Variants in WDR26 observed in about 807,000 individuals in gnomAD.
WDR26 encodes the protein WD repeat domain 26, also known as WD repeat-containing protein 26.
WDR26 carries 5 observed loss-of-function variants against 84.1 expected under a neutral mutation model. The ratio of observed to expected loss-of-function variants is 0.06; its 90% CI spans 0.03 to 0.13. WDR26 has a LOEUF of 0.13. WDR26 is among the 10% of genes least tolerant of loss of function. The probability of loss-of-function intolerance (pLI) is 1.00; values close to 1 mark genes in which losing one functional copy is unlikely to be tolerated. For synonymous variants in WDR26, 415 were observed against 389.6 expected (o/e 1.07, Z -0.77); for missense variants, 642 against 974.9 (o/e 0.66, Z 4.55).
rs202137376 is a variant in WDR26, at chr1:224,433,912, G to A, written c.494C>T (p.Ser165Phe). The A allele has an allele frequency of 1.0e-5, 16 of 1,536,684 alleles. No individual in the cohort carries two copies. Among genetic ancestry groups the A allele is most frequent in the African/African-American group, 5.5e-5 (4 of 73,172 alleles). ...GCTGTTGCTATTGTTGCTGGCGGCG[G>A]AGGGGGCGGAAGGCAGGAGCCCATT... The change falls in exon 1 of 14, where the codon TCC becomes TTC. Residue 165 changes from serine to phenylalanine, a missense_variant. Ser to Phe is a radical substitution (Grantham distance 155, BLOSUM62 -2). This residue lies in a region of WDR26 where 291 missense variants were observed against 302.1 expected (regional missense o/e 0.96). Transcript: ENST00000414423.
chr1:224,406,430 A>C (rs1260238648), intron 7 of WDR26, among the ~76,000 whole-genome samples: 3 of 152,216 alleles, frequency 2.0e-5, no homozygotes, highest in Non-Finnish European at 4.4e-5. Flanking sequence ...ATGACCCACC[A>C]GCAGTTGAAA....
Position 224,404,454 on chromosome 1 carries a change from A to G in WDR26, c.1575T>C (p.Ser525=). Reference sequence around the variant, plus strand: ...CTTGTACATTCCAAAGCCAAAGCTCAGAGCAGTCATCTGGGCCACAAGCAA... The same window carrying G: ...CTTGTACATTCCAAAGCCAAAGCTCGGAGCAGTCATCTGGGCCACAAGCAA... The change falls in exon 8 of 14, where the codon TCT becomes TCC. Residue 525 remains serine, a synonymous_variant. Transcript: ENST00000414423. 6.2e-7 allele frequency: 1 copy of G among 1,614,142 alleles called. No individual in the cohort carries two copies. The highest frequency in any genetic ancestry group is 1.1e-5 in the South Asian group (1 of 91,086).
intron 11 of WDR26, 38 bp from the exon 12 acceptor site, chr1:224,398,264 C>T (rs1468072407): frequency 6.3e-7 from 1 of 1,580,770 alleles, no homozygotes; most frequent in Non-Finnish European, 8.6e-7. Context: ...TAATCTGCCT[C>T]AACTCAAACA....
At chr1:224,415,827 A>G (rs1673887699) in intron 6 of WDR26, among the ~76,000 whole-genome samples, 1 of 152,228 alleles carries the variant, frequency 6.6e-6, no homozygotes, top group Admixed American at 6.5e-5. Context: ...GAGTTAAACT[A>G]AGAATCTAGA....
Position 224,389,761 on chromosome 1 carries a change from T to G in WDR26, c.*74A>C. The G allele has an allele frequency of 7.1e-7, 1 of 1,415,814 alleles. No homozygotes were observed. The highest frequency in any genetic ancestry group is 1.2e-5 in the South Asian group (1 of 86,592). 87.7% of individuals were successfully genotyped at this position (1,415,814 alleles called of 1,614,324 possible). A position where few individuals can be genotyped will look rare whatever the true frequency, so the allele number is the denominator to read the frequency against. On this transcript the variant is annotated 3_prime_UTR_variant, in exon 14 of 14. Coordinates refer to ENST00000414423, the MANE Select transcript of WDR26 (RefSeq NM_001379403.1). The stretch of plus-strand genomic sequence containing the variant: ...CTGTCCAGCTATCAATCATGTTTGT[T>G]TGCACCAAATCCCAAGCCATTAAAA...
intron 8 of WDR26, among the ~76,000 whole-genome samples, chr1:224,401,279 G>C (rs1021088337): frequency 6.6e-6 from 1 of 152,082 alleles, no homozygotes; most frequent in Non-Finnish European, 1.5e-5. Flanking sequence ...ACAATGTCTG[G>C]CACAGGTAAC....
intron 12 of WDR26, 129 bp from the exon 13 acceptor site, chr1:224,394,142 G>GT: frequency 1.6e-6 from 1 of 624,194 alleles, no homozygotes; most frequent in East Asian, 3.2e-5. Context: ...ACCATGAATA[G>GT]TTTAACATGT....
chr1:224,433,940 C>A lies in WDR26; in HGVS notation c.466G>T (p.Ala156Ser), dbSNP rs1329236050. Residue 156 changes from alanine to serine, a missense_variant, in exon 1 of 14, where the codon GCC becomes TCC. By Grantham distance (99) the Ala-to-Ser change is moderately conservative. Around this residue, in one of 2 missense-constraint regions of WDR26, gnomAD observed 291 missense variants for 302.1 expected, o/e 0.96. Transcript: ENST00000414423. ...GGGGCGGAAGGCAGGAGCCCATTGG[C>A]GTGGGCCAGGTCCCCCGCGGACGAC... is the stretch of plus-strand genomic sequence containing the variant. 1.3e-6 allele frequency: 2 copies of A among 1,535,148 alleles called. No homozygotes were observed. Among genetic ancestry groups the A allele is most frequent in the South Asian group, 2.4e-5 (2 of 83,982 alleles).
chr1:224,428,649 C>T (rs1674297107), intron 3 of WDR26, among the ~76,000 whole-genome samples: 1 of 151,904 alleles, frequency 6.6e-6, no homozygotes, highest in Non-Finnish European at 1.5e-5. Context: ...ATAATCCCAG[C>T]ACTCTGCGAG....
At chr1:224,395,563 A>G (rs1673236984) in intron 12 of WDR26, among the ~76,000 whole-genome samples, 1 of 151,922 alleles carries the variant, frequency 6.6e-6, no homozygotes, top group South Asian at 2.1e-4. Flanking sequence ...CTGCTGCTCA[A>G]TAATTTTTGA....
At chr1:224,409,860 C>T (rs1436388856) in intron 7 of WDR26, among the ~76,000 whole-genome samples, 1 of 149,754 alleles carries the variant, frequency 6.7e-6, no homozygotes, top group African/African-American at 2.5e-5. Context: ...GAGATACTGT[C>T]TCAGAGAAAA....
chr1:224,411,862 G>C (rs1673750002), intron 6 of WDR26, among the ~76,000 whole-genome samples: 1 of 152,038 alleles, frequency 6.6e-6, no homozygotes, highest in Admixed American at 6.6e-5. Context: ...TGTGACACCA[G>C]GCCCAGCTAC....
Position 224,401,075 on chromosome 1 carries a change from A to T in WDR26, c.1600-6T>A, listed in dbSNP as rs764266639. 6.2e-7 allele frequency: 1 copy of T among 1,612,730 alleles called. No individual in the cohort carries two copies. Among genetic ancestry groups the T allele is most frequent in the Non-Finnish European group, 8.5e-7 (1 of 1,179,456 alleles). On this transcript the variant is annotated splice_polypyrimidine_tract_variant and splice_region_variant and intron_variant, in intron 8 of 13. Transcript: ENST00000414423. ...TTTGTCCTTAGTTCTCCTGTCTATA[A>T]GGAAATAAAACTGTAAATGAGACCT...
At chr1:224,411,294 G>A in intron 7 of WDR26, 133 bp downstream of exon 7, 8 of 911,538 alleles carry the variant, frequency 8.8e-6, no homozygotes, top group Non-Finnish European at 1.2e-5. Context: ...AACACATGAA[G>A]ATGTAAAAAT....
In WDR26 at chr1:224,386,182, T is replaced by C. The variant is rs1268114408; in HGVS notation, c.*3653A>G. The C allele has an allele frequency of 6.6e-6, 1 of 152,634 alleles. No homozygotes were observed. Among genetic ancestry groups the C allele is most frequent in the Non-Finnish European group, 1.5e-5 (1 of 68,024 alleles). The allele number at this position is 152,634 out of a possible 1,614,324, so 9.5% of individuals were successfully genotyped here. A position where few individuals can be genotyped will look rare whatever the true frequency, so the allele number is the denominator to read the frequency against. ...CTAAGTGTAAATGCAAATTCACCTC[T>C]TCTTAAGTTAGCAGTTTATATTAAA... is the stretch of plus-strand genomic sequence containing the variant. On this transcript the variant is annotated 3_prime_UTR_variant, in exon 14 of 14. Coordinates refer to ENST00000414423, the MANE Select transcript of WDR26 (RefSeq NM_001379403.1).
chr1:224,426,331 G>T (rs985570925), intron 3 of WDR26, among the ~76,000 whole-genome samples: 1 of 152,110 alleles, frequency 6.6e-6, no homozygotes, highest in Admixed American at 6.5e-5. Context: ...GGTTTCTAGA[G>T]AAAGTAAGCA....
intron 7 of WDR26, among the ~76,000 whole-genome samples, chr1:224,407,158 ATATATATATATATAACTC>A (rs1673601508): frequency 1.0e-5 from 1 of 97,336 alleles, no homozygotes; most frequent in Non-Finnish European, 2.0e-5. Context: ...AAAAATATAT[ATATATATATATATAACTC>A]AAAAACTTTT....
intron 4 of WDR26, among the ~76,000 whole-genome samples, chr1:224,423,444 A>G (rs1405240216): frequency 6.6e-6 from 1 of 152,168 alleles, no homozygotes; most frequent in African/African-American, 2.4e-5. Context: ...TGAAGGGGTG[A>G]ATCCAGAATT....
At chr1:224,399,710 T>A (rs1028955484) in intron 9 of WDR26, among the ~76,000 whole-genome samples, 2 of 152,230 alleles carry the variant, frequency 1.3e-5, no homozygotes, top group Non-Finnish European at 2.9e-5. Flanking sequence ...CATATTGAGA[T>A]AATATAACAC....
Sources: gnomAD v4.1 joint callset for allele counts (sites outside exome capture counted in the v4.1 genomes callset) on GRCh38, gnomAD v4.1.1 for gene constraint, gnomAD v4.1.1 regional missense constraint, MANE v1.5 for transcripts, NCBI Gene and HGNC (gene_info 2026-07-23, HGNC 2026-07-21) for gene names.